The following CABCOCO1 variants were observed in gnomAD, a reference collection of about 807,000 sequenced individuals.
The protein encoded by CABCOCO1 is ciliary associated calcium binding coiled-coil 1, also known as ciliary-associated calcium-binding coiled-coil protein 1.
Under a neutral mutation model 35.7 loss-of-function variants are expected in CABCOCO1, and 28 were observed. The observed-to-expected ratio is 0.78, with a 90% CI of 0.58 to 1.07. CABCOCO1 has a LOEUF of 1.07. Among genes scored for constraint, CABCOCO1 ranks in the 50% least tolerant of loss-of-function variants. CABCOCO1 has a pLI of 0.00. For synonymous variants in CABCOCO1, 95 were observed against 100.1 expected (o/e 0.95, Z 0.30); for missense variants, 326 against 309.2 (o/e 1.05, Z -0.41).
At chr10:61,716,800 A>G (rs1840879252) in intron 5 of CABCOCO1, among the ~76,000 whole-genome samples, 1 of 152,192 alleles carries the variant, frequency 6.6e-6, no homozygotes, top group Non-Finnish European at 1.5e-5. Context: ...CAAATATGAG[A>G]TGCTTGATAA....
rs554880730 is a variant in CABCOCO1 at position 61,690,627 on chromosome 10, T to C, written c.552+6T>C. ...AAATTGTGATAGGAACTGAGGTAAG[T>C]AATTTATCTAGATGGAACAAGTTAA... On this transcript the variant is annotated splice_donor_region_variant and intron_variant, in intron 5 of 7. Transcript: ENST00000648843. The C allele has an allele frequency of 3.9e-5, 61 of 1,563,068 alleles. 1 individual carries two copies. The South Asian group carries it at 6.5e-4, about 17-fold the overall frequency.
chr10:61,674,027 A>C (rs1249725030), intron 2 of CABCOCO1, among the ~76,000 whole-genome samples: 1 of 152,214 alleles, frequency 6.6e-6, no homozygotes, highest in Non-Finnish European at 1.5e-5. Flanking sequence ...CACAATGCGA[A>C]TAGCAGACAT....
At chr10:61,733,080 A>G (rs985983068) in intron 5 of CABCOCO1, among the ~76,000 whole-genome samples, 1 of 152,060 alleles carries the variant, frequency 6.6e-6, no homozygotes, top group Non-Finnish European at 1.5e-5. Context: ...GTACCATTGC[A>G]AGTAGTATAT....
chr10:61,674,813 G>T (rs1839460240), intron 2 of CABCOCO1, among the ~76,000 whole-genome samples: 1 of 152,046 alleles, frequency 6.6e-6, no homozygotes, highest in South Asian at 2.1e-4. Flanking sequence ...CATTTCTCAT[G>T]ATCACTTAGC....
chr10:61,692,243 A>C (rs981867914), intron 5 of CABCOCO1, among the ~76,000 whole-genome samples: 1 of 152,178 alleles, frequency 6.6e-6, no homozygotes, highest in Non-Finnish European at 1.5e-5. Context: ...TCTAATGACC[A>C]GTGATGATGG....
chr10:61,672,316 C>A (rs1038886095), intron 1 of CABCOCO1, among the ~76,000 whole-genome samples: 3 of 152,136 alleles, frequency 2.0e-5, no homozygotes, highest in Non-Finnish European at 2.9e-5. Flanking sequence ...GTTAGCACGT[C>A]TTTCTTGTTT....
At chr10:61,696,131 A>C (rs1439181339) in intron 5 of CABCOCO1, among the ~76,000 whole-genome samples, 1 of 152,138 alleles carries the variant, frequency 6.6e-6, no homozygotes, top group Non-Finnish European at 1.5e-5. Context: ...TGACAATAGC[A>C]TATAAGTTGA....
At chr10:61,733,436 CAGG>C (rs1325180608) in intron 5 of CABCOCO1, among the ~76,000 whole-genome samples, 1 of 151,836 alleles carries the variant, frequency 6.6e-6, no homozygotes, top group Non-Finnish European at 1.5e-5. Context: ...TTTTCTAATC[CAGG>C]AGAAGGACTC....
intron 5 of CABCOCO1, among the ~76,000 whole-genome samples, chr10:61,702,588 T>A (rs2132016663): frequency 6.6e-6 from 1 of 152,188 alleles, no homozygotes; most frequent in East Asian, 1.9e-4. Flanking sequence ...GACTCTAGGG[T>A]TATATATTTT....
intron 5 of CABCOCO1, among the ~76,000 whole-genome samples, chr10:61,744,404 G>A (rs148919464): frequency 1.6e-4 from 24 of 152,174 alleles, no homozygotes; most frequent in African/African-American, 5.5e-4. Context: ...CTCTAAACGT[G>A]TACATTAAAC....
intron 5 of CABCOCO1, among the ~76,000 whole-genome samples, chr10:61,692,451 A>G (rs749360963): frequency 5.3e-5 from 8 of 152,130 alleles, no homozygotes; most frequent in Non-Finnish European, 1.0e-4. Flanking sequence ...GTCCACAATT[A>G]CTTTAAGGGG....
intron 5 of CABCOCO1, among the ~76,000 whole-genome samples, chr10:61,694,159 G>A (rs1411280319): frequency 1.3e-5 from 2 of 151,088 alleles, no homozygotes; most frequent in Non-Finnish European, 3.0e-5. Flanking sequence ...TACTGAAGTG[G>A]GATCAATGTA....
At chr10:61,665,378 T>C (rs1839133572) in intron 1 of CABCOCO1, among the ~76,000 whole-genome samples, 1 of 152,176 alleles carries the variant, frequency 6.6e-6, no homozygotes, top group Non-Finnish European at 1.5e-5. Flanking sequence ...TTTAGTAATA[T>C]TGGAGGAAAT....
rs943131199 is a variant in CABCOCO1 at position 61,731,726 on chromosome 10, TGGAAGGGAGGGAGGGA to T, written c.553-28318_553-28303del. Among the ~76,000 whole-genome samples, 7 of 122,946 alleles carry T rather than the reference TGGAAGGGAGGGAGGGA, an allele frequency of 5.7e-5. No individual in the cohort carries two copies. The Admixed American group carries it at 6.1e-4, about 11-fold the overall frequency. 80.7% of individuals were successfully genotyped at this position (122,946 alleles called of 152,430 possible). A position where few individuals can be genotyped will look rare whatever the true frequency, so the allele number is the denominator to read the frequency against. The stretch of plus-strand genomic sequence containing the variant: ...TTTCTGACTGGAAAAACATTAAAAA[TGGAAGGGAGGGAGGGA>T]GGAAGGGAGGGAGGACAGAGGGAGG... On this transcript the variant is annotated intron_variant, in intron 5 of 7. Coordinates refer to ENST00000648843, the MANE Select transcript of CABCOCO1 (RefSeq NM_001366906.2).
chr10:61,711,237 A>G (rs1273078025), intron 5 of CABCOCO1, among the ~76,000 whole-genome samples: 1 of 152,048 alleles, frequency 6.6e-6, no homozygotes, highest in Non-Finnish European at 1.5e-5. Flanking sequence ...TTCACCCACT[A>G]TATAATTCCT....
chr10:61,701,633 A>G (rs1381786826), intron 5 of CABCOCO1: 2 of 984,884 alleles, frequency 2.0e-6, no homozygotes, highest in African/African-American at 1.7e-5. Context: ...ACAAACCCGC[A>G]GAATCCATTA....
chr10:61,697,168 T>C (rs549979119), intron 5 of CABCOCO1, among the ~76,000 whole-genome samples: 14 of 152,240 alleles, frequency 9.2e-5, no homozygotes, highest in African/African-American at 2.6e-4. Context: ...TGTAGACATA[T>C]GTACTCATAT....
chr10:61,672,069 A>AATT (rs1839377019), intron 1 of CABCOCO1, among the ~76,000 whole-genome samples: 1 of 152,104 alleles, frequency 6.6e-6, no homozygotes, highest in African/African-American at 2.4e-5. Flanking sequence ...ACTCCTTCCT[A>AATT]ATTATCCTAT....
chr10:61,712,986 C>A (rs1053932869), intron 5 of CABCOCO1, among the ~76,000 whole-genome samples: 1 of 152,110 alleles, frequency 6.6e-6, no homozygotes, highest in South Asian at 2.1e-4. Context: ...CTTGGCAATG[C>A]GGGCTCTTTT....
Sources: gnomAD v4.1 joint callset for allele counts (sites outside exome capture counted in the v4.1 genomes callset) on GRCh38, gnomAD v4.1.1 for gene constraint, MANE v1.5 for transcripts, NCBI Gene and HGNC (gene_info 2026-07-23, HGNC 2026-07-21) for gene names.